Variants in SCLT1 observed in about 807,000 individuals in gnomAD.
The protein encoded by SCLT1 is sodium channel-associated protein 1.
In SCLT1, 78 loss-of-function variants were observed where a neutral mutation model predicts 112.8. That is an observed-to-expected ratio of 0.69 (90% CI 0.58 to 0.83). SCLT1 has a LOEUF of 0.83. Among genes scored for constraint, SCLT1 ranks in the 40% least tolerant of loss-of-function variants. The pLI is 0.00. For synonymous variants in SCLT1, 257 were observed against 254.7 expected, an observed-to-expected ratio of 1.01 and a Z score of -0.09; for missense variants, 747 against 770.4, an observed-to-expected ratio of 0.97 and a Z score of 0.36.
chr4:128,944,932 G>A (rs1011379331), intron 16 of SCLT1: 8 of 152,128 alleles, frequency 5.3e-5, no homozygotes, highest in Admixed American at 2.0e-4. Flanking sequence ...AAGAAGATGG[G>A]TTAATCCTTA....
At chr4:129,024,883 C>T (rs1230655920) in intron 5 of SCLT1, among the ~76,000 whole-genome samples, 4 of 151,900 alleles carry the variant, frequency 2.6e-5, no homozygotes, top group South Asian at 4.2e-4. Flanking sequence ...AACCAAGGCT[C>T]GAGAACTACG....
In SCLT1 at chr4:129,058,040, T is replaced by A. The variant is rs191892375; in HGVS notation, c.103-13989A>T. Among the ~76,000 whole-genome samples the A allele has an allele frequency of 4.6e-3, 697 of 152,320 alleles. 7 individuals are homozygous for A. Among genetic ancestry groups the A allele is most frequent in the Non-Finnish European group, 7.7e-3 (521 of 68,018 alleles). Reference sequence around the variant, plus strand: ...CTGGGATTACAGGCATGAGCCATCATGCCTGGCCCAATCCCTTGTGTTTCT... The same window carrying A: ...CTGGGATTACAGGCATGAGCCATCAAGCCTGGCCCAATCCCTTGTGTTTCT... On this transcript the variant is annotated intron_variant, in intron 2 of 20. Transcript: ENST00000281142.
intron 14 of SCLT1, among the ~76,000 whole-genome samples, chr4:128,949,593 T>C (rs946933524): frequency 2.6e-5 from 4 of 152,066 alleles, no homozygotes; most frequent in Admixed American, 1.3e-4. Context: ...TGTGTTCTCA[T>C]TGTTCGATTC....
chr4:128,941,754 A>C (rs1737711470), intron 17 of SCLT1, among the ~76,000 whole-genome samples: 1 of 152,102 alleles, frequency 6.6e-6, no homozygotes, highest in Non-Finnish European at 1.5e-5. Flanking sequence ...CAAAGGCAAG[A>C]AGATTTTCTC....
chr4:128,946,083 C>G lies in SCLT1; in HGVS notation c.1363G>C (p.Val455Leu). Residue 455 changes from valine (V) to leucine (L), a missense_variant, in exon 16 of 21, where the codon GTT becomes CTT. This residue lies in a region of SCLT1 where 723 missense variants were observed against 721.3 expected (regional missense o/e 1.00). Transcript: ENST00000281142. ...AGATCATCTTTTGAACGCTCTGAAA[C>G]CAGGAATCTTTGGTGCATTTCTTCC... ...KLEEMHQRFL[V>L]SERSKDDLQL... The G allele has an allele frequency of 6.2e-7, 1 of 1,609,462 alleles. No individual in the cohort carries two copies. The highest frequency in any genetic ancestry group is 8.5e-7 in the Non-Finnish European group (1 of 1,176,136).
chr4:128,899,045 C>G (rs912224122), intron 18 of SCLT1, among the ~76,000 whole-genome samples: 2 of 151,950 alleles, frequency 1.3e-5, no homozygotes, highest in Non-Finnish European at 2.9e-5. Flanking sequence ...GTTTACCAAC[C>G]AAAAAAAGTC....
At chr4:129,017,255 G>A (rs1172196856) in intron 5 of SCLT1, among the ~76,000 whole-genome samples, 2 of 152,054 alleles carry the variant, frequency 1.3e-5, no homozygotes, top group Non-Finnish European at 2.9e-5. Flanking sequence ...ATCTATGTTT[G>A]TGAGTTTTTC....
Position 129,072,835 on chromosome 4 carries a change from T to A in SCLT1, c.102+9471A>T, listed in dbSNP as rs1285910080. On this transcript the variant is annotated intron_variant, in intron 2 of 20. Coordinates refer to ENST00000281142, the MANE Select transcript of SCLT1 (RefSeq NM_144643.4). The stretch of plus-strand genomic sequence containing the variant: ...GGATTTATTCTTGGTTTGGAGCCAT[T>A]CCTGGTGAACTAGTGTGATTCTTGG... Among the ~76,000 whole-genome samples, 4 of 152,230 alleles carry A rather than the reference T, an allele frequency of 2.6e-5. No individual in the cohort carries two copies. In the East Asian group the frequency reaches 7.7e-4, roughly 29 times the overall value.
intron 1 of SCLT1, among the ~76,000 whole-genome samples, chr4:129,085,196 G>C (rs1378083818): frequency 1.3e-5 from 2 of 152,056 alleles, no homozygotes; most frequent in African/African-American, 4.8e-5. Flanking sequence ...ATTAAAAAGT[G>C]GGCAAAGCTC....
At chr4:128,879,428 T>TGG (rs1289775618), downstream of SCLT1, among the ~76,000 whole-genome samples, 1 of 152,118 alleles carries the variant, frequency 6.6e-6, no homozygotes, top group Non-Finnish European at 1.5e-5. Flanking sequence ...TGTCAGCAAA[T>TGG]GGGAGAGGTG....
At chr4:129,025,666 A>G (rs1032112465) in intron 5 of SCLT1, among the ~76,000 whole-genome samples, 31 of 152,190 alleles carry the variant, frequency 2.0e-4, no homozygotes, top group African/African-American at 6.3e-4. Flanking sequence ...ACCAGCTAAC[A>G]TCATAATGAC....
intron 2 of SCLT1, among the ~76,000 whole-genome samples, chr4:129,075,874 A>G (rs1436384130): frequency 6.6e-6 from 1 of 152,048 alleles, no homozygotes; most frequent in Non-Finnish European, 1.5e-5. Flanking sequence ...TCAAATAACT[A>G]TTTTTTTATG....
chr4:128,987,704 G>A (rs918406085), intron 9 of SCLT1, among the ~76,000 whole-genome samples: 4 of 152,006 alleles, frequency 2.6e-5, no homozygotes, highest in African/African-American at 4.8e-5. Flanking sequence ...GTCTTAAAGG[G>A]GCAAATCTAA....
In SCLT1 at chr4:128,917,099, G is replaced by A. The variant is rs145819687; in HGVS notation, c.1829+19556C>T. 2.9e-3 allele frequency among the ~76,000 whole-genome samples: 435 copies of A among 152,164 alleles called. 3 individuals are homozygous for A. The highest frequency in any genetic ancestry group is 9.9e-3 in the African/African-American group (411 of 41,532). ...CAATCTAAAACTTGTTCACCATGGC[G>A]TCACCTGTTCCTTTCTGTAAAAACC... On this transcript the variant is annotated intron_variant, in intron 18 of 20. Coordinates refer to ENST00000281142, the MANE Select transcript of SCLT1 (RefSeq NM_144643.4).
At chr4:129,045,697 T>C (rs1748117451) in intron 2 of SCLT1, among the ~76,000 whole-genome samples, 1 of 152,042 alleles carries the variant, frequency 6.6e-6, no homozygotes, top group Non-Finnish European at 1.5e-5. Context: ...GCATCTGTAA[T>C]GTTCTGGCTT....
At chr4:128,928,786 C>A (rs1015985519) in intron 18 of SCLT1, among the ~76,000 whole-genome samples, 14 of 151,290 alleles carry the variant, frequency 9.3e-5, no homozygotes, top group Non-Finnish European at 2.1e-4. Flanking sequence ...GAGCTGAGAT[C>A]GCGCCACTGC....
At chr4:128,898,280 A>G (rs1192922893) in intron 18 of SCLT1, among the ~76,000 whole-genome samples, 4 of 152,130 alleles carry the variant, frequency 2.6e-5, no homozygotes, top group Non-Finnish European at 5.9e-5. Flanking sequence ...GAAGTAAAGC[A>G]CTCCTCAGCA....
intron 13 of SCLT1, among the ~76,000 whole-genome samples, chr4:128,955,143 G>T (rs1296277811): frequency 2.6e-5 from 4 of 152,178 alleles, no homozygotes; most frequent in Non-Finnish European, 5.9e-5. Context: ...GAATTTCCTA[G>T]AGTTAGCATC....
intron 17 of SCLT1, among the ~76,000 whole-genome samples, chr4:128,942,630 A>G (rs998207173): frequency 6.6e-6 from 1 of 152,256 alleles, no homozygotes; most frequent in Non-Finnish European, 1.5e-5. Context: ...TCCTCTATAC[A>G]GTTAGTTTTA....
Sources: allele counts gnomAD v4.1 joint callset (sites outside exome capture counted in the v4.1 genomes callset), GRCh38; gene constraint gnomAD v4.1.1; regional missense constraint gnomAD v4.1.1; transcripts MANE v1.5; gene names NCBI Gene and HGNC (gene_info 2026-07-23, HGNC 2026-07-21).